Variants in SPATS2 observed in about 807,000 individuals in gnomAD.
SPATS2 encodes spermatogenesis associated serine rich 2.
A neutral mutation model predicts 63.7 loss-of-function variants in SPATS2; 38 were observed. The ratio of observed to expected loss-of-function variants is 0.60; its 90% CI spans 0.46 to 0.78. The LOEUF is 0.78. Among genes scored for constraint, SPATS2 ranks in the 30% least tolerant of loss-of-function variants. The probability of loss-of-function intolerance (pLI) is 0.00; values close to 1 mark genes in which losing one functional copy is unlikely to be tolerated. For missense variants in SPATS2, 588 were observed against 666.2 expected (o/e 0.88, Z 1.29); for synonymous variants, 207 against 232.9 (o/e 0.89, Z 1.01).
At chr12:49,439,455 A>C (rs923902796) in intron 2 of SPATS2, among the ~76,000 whole-genome samples, 41 of 152,226 alleles carry the variant, frequency 2.7e-4, no homozygotes, top group African/African-American at 9.7e-4. Flanking sequence ...CAAGCTGTAA[A>C]AATCACGATG....
intron 2 of SPATS2, among the ~76,000 whole-genome samples, chr12:49,440,088 A>G (rs978214247): frequency 6.6e-6 from 1 of 152,204 alleles, no homozygotes; most frequent in Non-Finnish European, 1.5e-5. Flanking sequence ...AAATGTTAAC[A>G]TCTTGTCACG....
intron 2 of SPATS2, among the ~76,000 whole-genome samples, chr12:49,445,517 C>A (rs1374217485): frequency 6.6e-6 from 1 of 150,996 alleles, no homozygotes; most frequent in African/African-American, 2.4e-5. Context: ...ATTTTCTTTT[C>A]TTTATCTTTT....
chr12:49,453,583 A>G (rs1031474833), intron 2 of SPATS2, among the ~76,000 whole-genome samples: 4 of 152,104 alleles, frequency 2.6e-5, no homozygotes, highest in African/African-American at 9.7e-5. Flanking sequence ...AAGTCAGGGC[A>G]GGAGGATTGC....
chr12:49,414,666 G>A (rs1424599483), intron 2 of SPATS2, among the ~76,000 whole-genome samples: 2 of 152,030 alleles, frequency 1.3e-5, no homozygotes, highest in Non-Finnish European at 2.9e-5. Flanking sequence ...GTGCGGTGGT[G>A]TGATCATAGC....
chr12:49,367,319 G>A (rs1943914783), upstream of SPATS2: 1 of 381,592 alleles, frequency 2.6e-6, no homozygotes, highest in South Asian at 1.3e-4. Flanking sequence ...CCGGGGCGGG[G>A]CGAGCCGCTG....
chr12:49,497,284 A>G (rs1168042344), intron 8 of SPATS2, among the ~76,000 whole-genome samples: 1 of 152,056 alleles, frequency 6.6e-6, no homozygotes, highest in Non-Finnish European at 1.5e-5. Flanking sequence ...ACCTGCTAAC[A>G]TTAACCTGTT....
At chr12:49,371,917 T>G (rs4898505) in intron 2 of SPATS2, among the ~76,000 whole-genome samples, 149,778 of 151,682 alleles carry the variant, frequency 0.99, 73,958 homozygotes, top group Middle Eastern at 1. Flanking sequence ...GATTTGGTGG[T>G]GACACAGATC....
chr12:49,380,977 C>T (rs113126564), intron 2 of SPATS2, among the ~76,000 whole-genome samples: 13,903 of 151,584 alleles, frequency 0.092, 750 homozygotes, highest in African/African-American at 0.14. Context: ...TTTTCCATAG[C>T]GGCTGTACCA....
At chr12:49,376,175 C>G (rs1415277684) in intron 2 of SPATS2, among the ~76,000 whole-genome samples, 1 of 143,530 alleles carries the variant, frequency 7.0e-6, no homozygotes, top group Non-Finnish European at 1.5e-5. Context: ...AATCTTGGCT[C>G]ACTGCAACCT....
intron 2 of SPATS2, among the ~76,000 whole-genome samples, chr12:49,439,832 C>CT (rs1291277139): frequency 1.3e-5 from 2 of 152,144 alleles, no homozygotes; most frequent in African/African-American, 4.8e-5. Flanking sequence ...TTGCCCTTTC[C>CT]TATGTCTTTA....
intron 2 of SPATS2, among the ~76,000 whole-genome samples, chr12:49,460,215 G>A (rs568658857): frequency 1.8e-3 from 278 of 152,260 alleles, no homozygotes; most frequent in Non-Finnish European, 3.4e-3. Context: ...CAGCACTTTG[G>A]GAGGCCAAAG....
chr12:49,409,972 G>T (rs930557816), intron 2 of SPATS2, among the ~76,000 whole-genome samples: 1 of 152,138 alleles, frequency 6.6e-6, no homozygotes, highest in Non-Finnish European at 1.5e-5. Flanking sequence ...AAATCTTCTT[G>T]TTGGAGTATA....
intron 2 of SPATS2, among the ~76,000 whole-genome samples, chr12:49,381,656 A>G (rs1284897547): frequency 1.3e-5 from 2 of 152,226 alleles, no homozygotes; most frequent in Non-Finnish European, 1.5e-5. Context: ...GACATTTGCT[A>G]TAAATGCCAC....
At chr12:49,484,745 A>C in intron 4 of SPATS2, 76 bp downstream of exon 4, 1 of 1,272,164 alleles carries the variant, frequency 7.9e-7, no homozygotes, top group Non-Finnish European at 1.1e-6. Flanking sequence ...AGTGGCTACC[A>C]CAAACTCATT....
chr12:49,494,692 G>A (rs1208773825), intron 6 of SPATS2, 49 bp from the exon 7 acceptor site: 3 of 1,460,362 alleles, frequency 2.1e-6, no homozygotes, highest in East Asian at 5.0e-5. Flanking sequence ...GGTTGTGGGG[G>A]AATCTTTTCT....
chr12:49,465,666 G>T lies in SPATS2; in HGVS notation c.25+4629G>T, dbSNP rs112352573. On this transcript the variant is annotated intron_variant, in intron 3 of 13. Transcript: ENST00000552918. ...TGTCTTCTACTTTTCTTAATGGGCC[G>T]GGCGCGGTGGCTCACAGCTATAATC... Among the ~76,000 whole-genome samples the T allele has an allele frequency of 2.4e-3, 372 of 152,056 alleles. 1 individual carries two copies. The highest frequency in any genetic ancestry group is 8.5e-3 in the African/African-American group (354 of 41,486).
intron 11 of SPATS2, among the ~76,000 whole-genome samples, chr12:49,519,937 C>A (rs1946912406): frequency 6.6e-6 from 1 of 151,926 alleles, no homozygotes; most frequent in Admixed American, 6.5e-5. Flanking sequence ...GCTCCAGCCT[C>A]CCGAGTAGCT....
At chr12:49,426,268 A>G (rs1331030069) in intron 2 of SPATS2, among the ~76,000 whole-genome samples, 3 of 151,922 alleles carry the variant, frequency 2.0e-5, no homozygotes, top group Admixed American at 6.6e-5. Context: ...AACGTAATGA[A>G]TTTTTACATT....
chr12:49,484,901 A>G (rs1223817274), intron 4 of SPATS2, among the ~76,000 whole-genome samples: 1 of 152,148 alleles, frequency 6.6e-6, no homozygotes, highest in Non-Finnish European at 1.5e-5. Flanking sequence ...TATTCATTCT[A>G]AATTCTTTTG....
Sources: gnomAD v4.1 joint callset for allele counts (sites outside exome capture counted in the v4.1 genomes callset) on GRCh38, gnomAD v4.1.1 for gene constraint, MANE v1.5 for transcripts, NCBI Gene and HGNC (gene_info 2026-07-23, HGNC 2026-07-21) for gene names.